Variants in DMTN observed in about 807,000 individuals in gnomAD.
The protein encoded by DMTN is dematin actin binding protein.
A neutral mutation model predicts 59.4 loss-of-function variants in DMTN; 27 were observed. The ratio of observed to expected loss-of-function variants is 0.45; its 90% CI spans 0.33 to 0.63. The LOEUF (loss-of-function observed/expected upper bound fraction) is 0.63. Among genes scored for constraint, DMTN ranks in the 20% least tolerant of loss-of-function variants. DMTN has a pLI of 0.02. For synonymous variants in DMTN, 221 were observed against 203.7 expected (o/e 1.08, Z -0.72); for missense variants, 451 against 528.9 (o/e 0.85, Z 1.45).
chr8:22,068,043 G>A (rs1268772532), intron 4 of DMTN, among the ~76,000 whole-genome samples: 2 of 152,230 alleles, frequency 1.3e-5, no homozygotes, highest in Non-Finnish European at 2.9e-5. Flanking sequence ...GTGTAAAATA[G>A]AGGTGACCTT....
Position 22,058,239 on chromosome 8 carries a change from G to A in DMTN, c.-172+1103G>A, listed in dbSNP as rs1162206886. On this transcript the variant is annotated intron_variant, in intron 1 of 15. Coordinates refer to ENST00000358242, the MANE Select transcript of DMTN (RefSeq NM_001387751.1). This position sits in a 1 kb window ranked among gnomAD's most constrained non-coding sequence, Gnocchi z 4.3. ...GCTGCCGGCCTCTCTGTGGTCAGGC[G>A]TTAGACTCCTGGGTGAGGTTGTCCA... is the stretch of plus-strand genomic sequence containing the variant. Among the ~76,000 whole-genome samples the A allele has an allele frequency of 6.6e-6, 1 of 152,176 alleles. No individual in the cohort carries two copies. Among genetic ancestry groups the A allele is most frequent in the African/African-American group, 2.4e-5 (1 of 41,442 alleles).
chr8:22,052,325 T>C (rs191678668), upstream of DMTN, among the ~76,000 whole-genome samples: 11 of 152,306 alleles, frequency 7.2e-5, no homozygotes, highest in East Asian at 1.3e-3. Flanking sequence ...TTGCACAGGG[T>C]AAATGTTTAT....
intron 5 of DMTN, 147 bp from the exon 6 acceptor site, chr8:22,069,272 T>C: frequency 1.5e-5 from 13 of 870,602 alleles, no homozygotes; most frequent in Non-Finnish European, 2.3e-5. Flanking sequence ...CAGTAGGTCC[T>C]TGGAACTGTG....
In DMTN at chr8:22,082,040, T is replaced by C; in HGVS notation, c.*577T>C. On this transcript the variant is annotated 3_prime_UTR_variant, in exon 16 of 16. Coordinates refer to ENST00000358242, the MANE Select transcript of DMTN (RefSeq NM_001387751.1). ...TCGCAAACCCCGAGCTTCCAAGCCTTTTGCTCCAGCCCTGCGGCTTCCCCA... is the reference window on the plus strand; with the variant it reads ...TCGCAAACCCCGAGCTTCCAAGCCTCTTGCTCCAGCCCTGCGGCTTCCCCA... 1 of 456,854 alleles carries C rather than the reference T, an allele frequency of 2.2e-6. No individual in the cohort carries two copies. The highest frequency in any genetic ancestry group is 1.5e-5 in the South Asian group (1 of 64,574). The allele number at this position is 456,854 out of a possible 1,614,324, so 28.3% of individuals were successfully genotyped here.
intron 5 of DMTN, 23 bp downstream of exon 5, chr8:22,069,083 ACTTGCCCTGCC>A (rs998784288): frequency 1.5e-5 from 24 of 1,608,798 alleles, no homozygotes; most frequent in Non-Finnish European, 2.0e-5. Flanking sequence ...CACACCTGCA[ACTTGCCCTGCC>A]CTGCCCTGAA....
Position 22,081,795 on chromosome 8 carries a change from T to C in DMTN, c.*332T>C. ...TGAGGGGCATTGGTGGTTAGGCCGG[T>C]TGGCTGTCTTGAACAGCTGGAGGGA... On this transcript the variant is annotated 3_prime_UTR_variant, in exon 16 of 16. Coordinates refer to ENST00000358242, the MANE Select transcript of DMTN (RefSeq NM_001387751.1). 1 of 498,806 alleles carries C rather than the reference T, an allele frequency of 2.0e-6. No individual in the cohort carries two copies. Among genetic ancestry groups the C allele is most frequent in the Non-Finnish European group, 3.9e-6 (1 of 255,524 alleles). The allele number at this position is 498,806 out of a possible 1,614,324, so 30.9% of individuals were successfully genotyped here. A position where few individuals can be genotyped will look rare whatever the true frequency, so the allele number is the denominator to read the frequency against.
intron 1 of DMTN, among the ~76,000 whole-genome samples, chr8:22,064,725 T>G (rs1809217204): frequency 1.3e-5 from 2 of 152,234 alleles, no homozygotes; most frequent in East Asian, 3.8e-4. Context: ...CCCAAAGTGC[T>G]GGGATTACAG....
upstream of DMTN, among the ~76,000 whole-genome samples, chr8:22,050,737 C>T (rs796694967): frequency 5.0e-4 from 76 of 152,276 alleles, no homozygotes; most frequent in African/African-American, 1.8e-3. Context: ...GTATCCAGCG[C>T]CTGCTCCCGC....
chr8:22,065,439 G>A (rs1809780322), intron 1 of DMTN, among the ~76,000 whole-genome samples: 1 of 152,206 alleles, frequency 6.6e-6, no homozygotes, highest in Admixed American at 6.5e-5. Context: ...GATCCATGAG[G>A]ACTAGACTAG....
At chr8:22,067,779 T>G in intron 4 of DMTN, 97 bp downstream of exon 4, 1 of 1,439,482 alleles carries the variant, frequency 6.9e-7, no homozygotes, top group Admixed American at 2.1e-5. Flanking sequence ...CCTGGAGGTC[T>G]GCCTCGGCAA....
chr8:22,080,888 C>T lies in DMTN; in HGVS notation c.1023+18C>T. Reference sequence around the variant, plus strand: ...AGCAGAAGGTGAGGGGCAGGGGACACAAGCGCCTGTAGCGGGGCGGGAGGC... The same window carrying T: ...AGCAGAAGGTGAGGGGCAGGGGACATAAGCGCCTGTAGCGGGGCGGGAGGC... On this transcript the variant is annotated intron_variant, in intron 14 of 15. Transcript: ENST00000358242. 6.4e-7 allele frequency: 1 copy of T among 1,553,166 alleles called. No individual in the cohort carries two copies. Among genetic ancestry groups the T allele is most frequent in the Middle Eastern group, 1.7e-4 (1 of 5,724 alleles).
chr8:22,062,732 C>T (rs1470608082), intron 1 of DMTN, among the ~76,000 whole-genome samples: 1 of 151,288 alleles, frequency 6.6e-6, no homozygotes, highest in Non-Finnish European at 1.5e-5. Context: ...GGAGGAAAAG[C>T]ACTTCTCCTC....
At chr8:22,061,066 A>G (rs1158124911) in intron 1 of DMTN, among the ~76,000 whole-genome samples, 2 of 151,936 alleles carry the variant, frequency 1.3e-5, no homozygotes, top group Admixed American at 1.3e-4. Flanking sequence ...GAGCCCAGGA[A>G]TTCGACACCA....
chr8:22,075,312 CT>C (rs1212551514), intron 10 of DMTN, among the ~76,000 whole-genome samples: 2 of 151,930 alleles, frequency 1.3e-5, no homozygotes, highest in African/African-American at 4.8e-5. Flanking sequence ...CCTCCTCCCC[CT>C]CCCCCTTCTT....
chr8:22,069,741 C>T (rs1813747863), intron 6 of DMTN, 140 bp from the exon 7 acceptor site: 1 of 1,068,882 alleles, frequency 9.4e-7, no homozygotes, highest in Admixed American at 2.0e-5. Context: ...GGGGCAGTGC[C>T]AGGAATGCCA....
chr8:22,059,363 T>A (rs1261562955), intron 1 of DMTN: 1 of 152,286 alleles, frequency 6.6e-6, no homozygotes, highest in Non-Finnish European at 1.5e-5. Flanking sequence ...TCACTTACTG[T>A]CTGCACCAGC....
chr8:22,074,201 C>T (rs1450397577), intron 10 of DMTN, among the ~76,000 whole-genome samples: 1 of 152,170 alleles, frequency 6.6e-6, no homozygotes. Context: ...TCAAGGTGCG[C>T]GGGGTGCTTT....
intron 1 of DMTN, among the ~76,000 whole-genome samples, chr8:22,066,041 G>A (rs181507393): frequency 5.3e-5 from 8 of 152,010 alleles, no homozygotes; most frequent in East Asian, 2.0e-4. Context: ...ACAAGGTTTC[G>A]CTATGTTGTC....
At chr8:22,053,143 A>G (rs1481955612), upstream of DMTN, among the ~76,000 whole-genome samples, 1 of 152,212 alleles carries the variant, frequency 6.6e-6, no homozygotes, top group African/African-American at 2.4e-5. Context: ...GGGAAGGGGA[A>G]TAGTCCGTCT....
Sources: gnomAD v4.1 joint callset for allele counts (sites outside exome capture counted in the v4.1 genomes callset) on GRCh38, gnomAD v4.1.1 for gene constraint, Gnocchi (gnomAD v3.1) non-coding constraint, MANE v1.5 for transcripts, NCBI Gene and HGNC (gene_info 2026-07-23, HGNC 2026-07-21) for gene names.